Variants in TFDP2 observed in about 807,000 individuals in gnomAD.
The protein encoded by TFDP2 is transcription factor Dp-2 (E2F dimerization partner 2).
A neutral mutation model predicts 59.3 loss-of-function variants in TFDP2; 17 were observed. That is an observed-to-expected ratio of 0.29 (90% CI 0.20 to 0.43). TFDP2 has a LOEUF of 0.43. TFDP2 is among the 20% of genes least tolerant of loss of function. TFDP2 has a pLI of 1.00. For missense variants in TFDP2, 391 were observed against 528.8 expected (o/e 0.74, Z 2.56); for synonymous variants, 180 against 194.7 (o/e 0.92, Z 0.63).
intron 10 of TFDP2, among the ~76,000 whole-genome samples, chr3:141,962,489 G>C (rs575862372): frequency 4.6e-5 from 7 of 152,180 alleles, no homozygotes; most frequent in Admixed American, 1.3e-4. Flanking sequence ...CTCCCTAGTA[G>C]CTGGGACTAC....
Position 141,952,695 on chromosome 3 carries a change from C to T in TFDP2, c.1159G>A (p.Val387Ile), listed in dbSNP as rs745484514. 18 of 1,608,696 alleles carry T rather than the reference C, an allele frequency of 1.1e-5. No individual in the cohort carries two copies. Among genetic ancestry groups the T allele is most frequent in the Non-Finnish European group, 1.5e-5 (18 of 1,178,846 alleles). ...TTGATLPQSS[V>I]NQGLCLDAEV... ...GCATCCAAGCATAACCCTTGGTTTA[C>T]ACTAGCAAACAATTAAAAACACACA... The change falls in exon 13 of 13, where the codon GTA becomes ATA. Residue 387 changes from valine (V) to isoleucine (I), a missense_variant and splice_region_variant. Physicochemically the swap from Val to Ile is conservative, Grantham distance 29 (BLOSUM62 3). This residue lies in a region of TFDP2 where 223 missense variants were observed against 292.5 expected (regional missense o/e 0.76). Coordinates refer to ENST00000489671, the MANE Select transcript of TFDP2 (RefSeq NM_001178139.2).
intron 1 of TFDP2, among the ~76,000 whole-genome samples, chr3:142,110,207 A>AG (rs1482345551): frequency 6.6e-6 from 1 of 152,202 alleles, no homozygotes; most frequent in African/African-American, 2.4e-5. Context: ...TAAAAATTGA[A>AG]GAAAAAAAAA....
At chr3:142,039,063 C>T (rs1052135310) in intron 3 of TFDP2, among the ~76,000 whole-genome samples, 1 of 152,106 alleles carries the variant, frequency 6.6e-6, no homozygotes, top group Admixed American at 6.5e-5. Flanking sequence ...ATTCTGAGTT[C>T]CCATATTCTC....
At chr3:142,141,699 T>G (rs1391512949) in intron 1 of TFDP2, among the ~76,000 whole-genome samples, 1 of 151,952 alleles carries the variant, frequency 6.6e-6, no homozygotes, top group East Asian at 1.9e-4. Context: ...GGCACATACC[T>G]GTTATCCCAG....
intron 11 of TFDP2, among the ~76,000 whole-genome samples, chr3:141,954,473 T>C (rs1487741725): frequency 1.3e-5 from 2 of 151,476 alleles, no homozygotes; most frequent in Non-Finnish European, 2.9e-5. Context: ...CCCATCTCTA[T>C]TAAAAATACA....
Position 142,101,763 on chromosome 3 carries a change from C to A in TFDP2, c.-14G>T. 1 of 1,323,546 alleles carries A rather than the reference C, an allele frequency of 7.6e-7. No homozygotes were observed. The highest frequency in any genetic ancestry group is 1.0e-6 in the Non-Finnish European group (1 of 1,001,300). 82.0% of individuals were successfully genotyped at this position (1,323,546 alleles called of 1,614,324 possible). A position where few individuals can be genotyped will look rare whatever the true frequency, so the allele number is the denominator to read the frequency against. ...TTTTGCCGTCATGTCAAACTGTATT[C>A]TATTTAAGATTCTGTAAAGCCATTA... On this transcript the variant is annotated 5_prime_UTR_variant, in exon 2 of 13. The change abolishes the stop of an existing upstream ORF in the 5' untranslated region. Coordinates refer to ENST00000489671, the MANE Select transcript of TFDP2 (RefSeq NM_001178139.2).
At chr3:142,136,026 G>GT (rs562692690) in intron 1 of TFDP2, among the ~76,000 whole-genome samples, 1 of 152,170 alleles carries the variant, frequency 6.6e-6, no homozygotes, top group South Asian at 2.1e-4. Context: ...CACCAACAGT[G>GT]TAAAAGCATT....
At chr3:142,004,060 G>A (rs1944030149) in intron 4 of TFDP2, among the ~76,000 whole-genome samples, 2 of 152,138 alleles carry the variant, frequency 1.3e-5, no homozygotes, top group South Asian at 4.1e-4. Flanking sequence ...TATCTCATTT[G>A]CACCTATAGT....
chr3:142,111,195 G>A (rs2061645748), intron 1 of TFDP2, among the ~76,000 whole-genome samples: 2 of 152,068 alleles, frequency 1.3e-5, no homozygotes, highest in Non-Finnish European at 2.9e-5. Context: ...TTGGGAGGCC[G>A]AGGCAGGTGG....
intron 1 of TFDP2, among the ~76,000 whole-genome samples, chr3:142,115,262 C>G (rs766453074): frequency 8.6e-5 from 13 of 151,696 alleles, no homozygotes; most frequent in Non-Finnish European, 1.8e-4. Flanking sequence ...TTCTAAACTT[C>G]ATTGTTATCA....
At chr3:142,009,685 G>A (rs1395043338) in intron 3 of TFDP2, among the ~76,000 whole-genome samples, 1 of 150,280 alleles carries the variant, frequency 6.7e-6, no homozygotes, top group African/African-American at 2.5e-5. Context: ...ACTCCAGCCT[G>A]GGCAACAACA....
intron 10 of TFDP2, among the ~76,000 whole-genome samples, chr3:141,963,094 C>T (rs567905856): frequency 2.0e-5 from 3 of 152,110 alleles, no homozygotes; most frequent in South Asian, 4.2e-4. Flanking sequence ...GAGCCATAAG[C>T]GGTACATGGA....
intron 3 of TFDP2, among the ~76,000 whole-genome samples, chr3:142,028,374 G>T (rs921332816): frequency 2.0e-5 from 3 of 151,934 alleles, no homozygotes; most frequent in Non-Finnish European, 4.4e-5. Context: ...ATAAGTAACT[G>T]AGTAATAAAC....
At chr3:142,023,779 T>G (rs77495319) in intron 3 of TFDP2, among the ~76,000 whole-genome samples, 10,643 of 152,170 alleles carry the variant, frequency 0.07, 474 homozygotes, top group Non-Finnish European at 0.11. Flanking sequence ...CAAAATCTCT[T>G]TGTATTAAAA....
chr3:142,043,102 A>G (rs1326511226), intron 3 of TFDP2, among the ~76,000 whole-genome samples: 1 of 150,290 alleles, frequency 6.7e-6, no homozygotes, highest in South Asian at 2.1e-4. Flanking sequence ...GCTGGAGTGC[A>G]GTGGCACGAT....
chr3:142,088,293 C>T (rs562389917), intron 3 of TFDP2, among the ~76,000 whole-genome samples: 12 of 152,128 alleles, frequency 7.9e-5, no homozygotes, highest in East Asian at 3.9e-4. Flanking sequence ...CTGGATATAA[C>T]GCAACCCTGG....
chr3:142,044,040 C>T, intron 3 of TFDP2: 1 of 660,674 alleles, frequency 1.5e-6, no homozygotes, highest in Admixed American at 2.1e-5. Flanking sequence ...TGTCAACAGG[C>T]TTGCTGATGA....
chr3:142,061,889 TACACACACAC>T lies in TFDP2; in HGVS notation c.82+31162_82+31171del, dbSNP rs71153939. 8.5e-4 allele frequency among the ~76,000 whole-genome samples: 68 copies of T among 79,944 alleles called. 1 individual carries two copies. The highest frequency in any genetic ancestry group is 1.2e-3 in the South Asian group (2 of 1,642). 52.4% of individuals were successfully genotyped at this position (79,944 alleles called of 152,430 possible). On this transcript the variant is annotated intron_variant, in intron 3 of 12. Transcript: ENST00000489671. ...CAATCAATTTCTCTCTCTCTCTCTC[TACACACACAC>T]ACACACACACACACACACACACACA... is the stretch of plus-strand genomic sequence containing the variant.
At chr3:141,969,716 C>T (rs1212973821) in intron 9 of TFDP2, among the ~76,000 whole-genome samples, 2 of 152,136 alleles carry the variant, frequency 1.3e-5, no homozygotes, top group Non-Finnish European at 2.9e-5. Flanking sequence ...ACTTGAAGCA[C>T]CTAAAATTTA....
Sources: gnomAD v4.1 joint callset for allele counts (sites outside exome capture counted in the v4.1 genomes callset) on GRCh38, gnomAD v4.1.1 for gene constraint, gnomAD v4.1.1 regional missense constraint, MANE v1.5 for transcripts, NCBI Gene and HGNC (gene_info 2026-07-23, HGNC 2026-07-21) for gene names.